Variants in FAAH2 observed in about 807,000 individuals in gnomAD.
FAAH2 encodes the protein fatty acid amide hydrolase 2, also known as fatty-acid amide hydrolase 2.
In FAAH2, 60 loss-of-function variants were observed where a neutral mutation model predicts 36.9. That is an observed-to-expected ratio of 1.63 (90% CI 1.32 to 2.02). FAAH2 has a LOEUF of 2.02. Ranked by LOEUF, FAAH2 falls within the 30% of genes most tolerant of loss-of-function variation. The pLI, the probability that FAAH2 is intolerant of heterozygous loss-of-function variation, is 0.00. For missense variants in FAAH2, 689 were observed against 397.5 expected (o/e 1.73, Z -6.23); for synonymous variants, 214 against 143.8 (o/e 1.49, Z -3.49).
chrX:57,280,234 T>C, the FAAH2 span, among the ~76,000 whole-genome samples: 1 of 111,023 alleles, frequency 9.0e-6, no homozygotes. Context: ...TTTTTTTCTG[T>C]ACTCTGATTA....
At chrX:57,302,491 T>A (rs2052402322) in intron 2 of FAAH2, among the ~76,000 whole-genome samples, 1 of 111,347 alleles carries the variant, frequency 9.0e-6, no homozygotes, top group Non-Finnish European at 1.9e-5. Flanking sequence ...AGCATGAGAA[T>A]AACCATTATT....
At chrX:57,282,088 A>G (rs964793827), upstream of FAAH2, among the ~76,000 whole-genome samples, 1 of 112,192 alleles carries the variant, frequency 8.9e-6, no homozygotes, top group Non-Finnish European at 1.9e-5. Context: ...TATACCCAGT[A>G]ATGAGATTGC....
chrX:57,159,722 T>C, the FAAH2 span, among the ~76,000 whole-genome samples: 57 of 111,950 alleles, frequency 5.1e-4, no homozygotes, highest in African/African-American at 1.7e-3. Context: ...TGCTTATCAG[T>C]TTAAGGAGAT....
At chrX:57,355,045 A>G (rs770755936) in intron 5 of FAAH2, among the ~76,000 whole-genome samples, 2 of 110,898 alleles carry the variant, frequency 1.8e-5, no homozygotes, top group South Asian at 3.8e-4. Context: ...TATTACATTT[A>G]TACAGGAATA....
chrX:57,400,339 A>T (rs749292299), intron 7 of FAAH2, among the ~76,000 whole-genome samples: 1 of 112,297 alleles, frequency 8.9e-6, no homozygotes, highest in Non-Finnish European at 1.9e-5. Flanking sequence ...ACCCTTTGCC[A>T]CTACATCAAT....
chrX:57,362,127 A>G (rs1293909140), intron 5 of FAAH2, among the ~76,000 whole-genome samples: 5 of 110,640 alleles, frequency 4.5e-5, no homozygotes, highest in African/African-American at 1.6e-4. Context: ...AGAACAGGGG[A>G]TAAAGAAAAT....
At chrX:57,321,912 C>T (rs2053036093) in intron 3 of FAAH2, among the ~76,000 whole-genome samples, 1 of 112,090 alleles carries the variant, frequency 8.9e-6, no homozygotes, top group Admixed American at 9.5e-5. Flanking sequence ...TTTAGTGCTT[C>T]TTCCAGGAGC....
At chrX:57,421,663 A>G (rs1264959723) in intron 7 of FAAH2, among the ~76,000 whole-genome samples, 1 of 111,718 alleles carries the variant, frequency 9.0e-6, no homozygotes, top group Non-Finnish European at 1.9e-5. Flanking sequence ...ATCTCTAGAT[A>G]CAGTCACATT....
At chrX:57,168,124 C>T in the FAAH2 span, among the ~76,000 whole-genome samples, 2 of 111,186 alleles carry the variant, frequency 1.8e-5, no homozygotes, top group African/African-American at 3.3e-5. Flanking sequence ...TAGATTTTAA[C>T]ATCTTATGAT....
intron 5 of FAAH2, among the ~76,000 whole-genome samples, chrX:57,351,821 G>A (rs955853585): frequency 5.7e-4 from 60 of 105,423 alleles, no homozygotes; most frequent in African/African-American, 2.1e-3. Flanking sequence ...TGAGCCTGAG[G>A]CTGCTATAGA....
At chrX:57,459,054 G>A (rs1460323163) in intron 10 of FAAH2, among the ~76,000 whole-genome samples, 1 of 112,241 alleles carries the variant, frequency 8.9e-6, no homozygotes, top group East Asian at 2.8e-4. Flanking sequence ...CACTCCCATG[G>A]AGACAAGCAA....
intron 7 of FAAH2, among the ~76,000 whole-genome samples, chrX:57,396,758 G>C (rs984499779): frequency 1.8e-5 from 2 of 111,550 alleles, no homozygotes; most frequent in Non-Finnish European, 3.8e-5. Context: ...CAAGCATGTA[G>C]TTAATTTGGG....
intron 5 of FAAH2, among the ~76,000 whole-genome samples, chrX:57,370,588 G>T (rs927195470): frequency 9.0e-6 from 1 of 111,694 alleles, no homozygotes; most frequent in Non-Finnish European, 1.9e-5. Context: ...TGAAAACTCA[G>T]ATATAAACTA....
chrX:57,330,571 G>A (rs1248494933), intron 3 of FAAH2, among the ~76,000 whole-genome samples: 1 of 110,815 alleles, frequency 9.0e-6, no homozygotes, highest in African/African-American at 3.3e-5. Context: ...TGTGAAGTAG[G>A]TGATCTTTGT....
chrX:57,299,017 C>T (rs2146827097), intron 2 of FAAH2, among the ~76,000 whole-genome samples: 1 of 111,470 alleles, frequency 9.0e-6, no homozygotes, highest in Admixed American at 9.5e-5. Flanking sequence ...CAGAATTCTA[C>T]CAGAGGTACA....
the FAAH2 span, among the ~76,000 whole-genome samples, chrX:57,259,423 C>G: frequency 9.0e-6 from 1 of 111,716 alleles, no homozygotes; most frequent in African/African-American, 3.2e-5. Flanking sequence ...TGTATGTGTG[C>G]ATGCAGTGGA....
chrX:57,417,005 CT>C (rs1301856899), intron 7 of FAAH2, among the ~76,000 whole-genome samples: 1 of 111,384 alleles, frequency 9.0e-6, no homozygotes, highest in African/African-American at 3.3e-5. Flanking sequence ...TGCCCTTTAT[CT>C]GCTTAATTGA....
chrX:57,474,928 T>A (rs1156994634), intron 10 of FAAH2, among the ~76,000 whole-genome samples: 2 of 111,772 alleles, frequency 1.8e-5, no homozygotes, highest in Admixed American at 9.5e-5. Flanking sequence ...TGGTTTTGAT[T>A]TGTGTTTTTC....
chrX:57,282,632 G>T (rs2051764792), upstream of FAAH2, among the ~76,000 whole-genome samples: 1 of 111,926 alleles, frequency 8.9e-6, no homozygotes, highest in African/African-American at 3.3e-5. Flanking sequence ...CATTTTTGCA[G>T]GATCTTTATT....
Sources: allele counts gnomAD v4.1 joint callset (sites outside exome capture counted in the v4.1 genomes callset), GRCh38; gene constraint gnomAD v4.1.1; transcripts MANE v1.5; gene names NCBI Gene and HGNC (gene_info 2026-07-23, HGNC 2026-07-21).